Variants in NPAS3 observed in about 807,000 individuals in gnomAD.
NPAS3 encodes neuronal PAS domain-containing protein 3.
NPAS3 carries 14 observed loss-of-function variants against 73.1 expected under a neutral mutation model. The observed-to-expected ratio is 0.19, with a 90% CI of 0.13 to 0.30. NPAS3 has a LOEUF of 0.30. NPAS3 is among the 10% of genes least tolerant of loss of function. The pLI is 1.00. For missense variants in NPAS3, 1,096 were observed against 1,250.0 expected, an observed-to-expected ratio of 0.88 and a Z score of 1.86; for synonymous variants, 620 against 541.5, an observed-to-expected ratio of 1.14 and a Z score of -2.01.
chr14:33,059,564 A>G (rs1402459621), intron 2 of NPAS3, among the ~76,000 whole-genome samples: 2 of 152,194 alleles, frequency 1.3e-5, no homozygotes, highest in African/African-American at 4.8e-5. Flanking sequence ...TTTGCTAAGT[A>G]TTACAAATTT....
At position 33,519,738 on chromosome 14, in the gene NPAS3, A is replaced by C. The variant is rs188073654; in HGVS notation, c.469-40383A>C. ...TTATCACATCTTCCTCACAAATACAACACACGTTCACATTCCTAGTCATTC... is the reference window on the plus strand; with the variant it reads ...TTATCACATCTTCCTCACAAATACACCACACGTTCACATTCCTAGTCATTC... On this transcript the variant is annotated intron_variant, in intron 4 of 11. Transcript: ENST00000356141. Among the ~76,000 whole-genome samples, 134 of 152,302 alleles carry C rather than the reference A, an allele frequency of 8.8e-4. 1 individual carries two copies. Among genetic ancestry groups the C allele is most frequent in the African/African-American group, 3.0e-3 (125 of 41,576 alleles).
intron 4 of NPAS3, among the ~76,000 whole-genome samples, chr14:33,551,929 A>T (rs1480885687): frequency 6.6e-6 from 1 of 152,240 alleles, no homozygotes; most frequent in Non-Finnish European, 1.5e-5. Context: ...CCCACTGTGT[A>T]TTCAGGGTAT....
intron 3 of NPAS3, among the ~76,000 whole-genome samples, chr14:33,366,742 C>T (rs1213666584): frequency 6.6e-6 from 1 of 151,972 alleles, no homozygotes; most frequent in African/African-American, 2.4e-5. Flanking sequence ...CAAAAAGTTT[C>T]CTGTTTGCTT....
intron 5 of NPAS3, among the ~76,000 whole-genome samples, chr14:33,569,369 A>C (rs2056106797): frequency 6.6e-6 from 1 of 152,158 alleles, no homozygotes; most frequent in African/African-American, 2.4e-5. Context: ...AGGCAGTTCA[A>C]GGCCCTTGGC....
In NPAS3 at chr14:33,490,490, G is replaced by C. The variant is rs117526527; in HGVS notation, c.469-69631G>C. Reference sequence around the variant, plus strand: ...CTCACCTCAGTGCCTTGTTAATGCCGTTCATTAATCTAGAACCTCGAGCTT... The same window carrying C: ...CTCACCTCAGTGCCTTGTTAATGCCCTTCATTAATCTAGAACCTCGAGCTT... On this transcript the variant is annotated intron_variant, in intron 4 of 11. Transcript: ENST00000356141. 4.6e-5 allele frequency among the ~76,000 whole-genome samples: 7 copies of C among 152,134 alleles called. 1 individual carries two copies. The highest frequency in any genetic ancestry group is 1.7e-4 in the African/African-American group (7 of 41,520).
intron 2 of NPAS3, among the ~76,000 whole-genome samples, chr14:33,198,216 C>T (rs1192954552): frequency 6.6e-6 from 1 of 152,176 alleles, no homozygotes. Flanking sequence ...TTGCAAAGAG[C>T]AAAAGAACAA....
intron 4 of NPAS3, among the ~76,000 whole-genome samples, chr14:33,404,506 T>C (rs2047580987): frequency 6.6e-6 from 1 of 152,120 alleles, no homozygotes; most frequent in African/African-American, 2.4e-5. Flanking sequence ...TCTCTTTAGA[T>C]CTTACAGCTA....
intron 4 of NPAS3, among the ~76,000 whole-genome samples, chr14:33,432,911 T>C (rs1173570268): frequency 6.6e-6 from 1 of 152,246 alleles, no homozygotes; most frequent in Non-Finnish European, 1.5e-5. Flanking sequence ...TCAGCTGATA[T>C]GCAATTATCA....
chr14:33,315,623 C>T (rs563178802), intron 3 of NPAS3, among the ~76,000 whole-genome samples: 1 of 151,712 alleles, frequency 6.6e-6, no homozygotes, highest in East Asian at 1.9e-4. Flanking sequence ...TATAGGTGAA[C>T]AGGGAGAGAG....
At chr14:33,790,345 A>G (rs751882536) in intron 9 of NPAS3, among the ~76,000 whole-genome samples, 1 of 152,334 alleles carries the variant, frequency 6.6e-6, no homozygotes, top group Admixed American at 6.5e-5. Flanking sequence ...AAAATAAAAA[A>G]CAACAGCCAC....
intron 1 of NPAS3, among the ~76,000 whole-genome samples, chr14:32,954,455 T>C (rs930991604): frequency 6.6e-6 from 1 of 152,194 alleles, no homozygotes; most frequent in African/African-American, 2.4e-5. Context: ...GATGAGGTCA[T>C]AGCTAGTAAA....
intron 7 of NPAS3, among the ~76,000 whole-genome samples, chr14:33,746,502 C>CT (rs559179003): frequency 0.11 from 15,240 of 140,110 alleles, 2,112 homozygotes; most frequent in African/African-American, 0.33. Flanking sequence ...CTGACTCATT[C>CT]TTTTTTTTTT....
chr14:33,575,152 T>C lies in NPAS3; in HGVS notation c.558+14942T>C, dbSNP rs572490594. ...CTAAGGAGAGTAATGGATTCCATTG[T>C]AGACCAACATATCATGCAATTAACT... On this transcript the variant is annotated intron_variant, in intron 5 of 11. Transcript: ENST00000356141. Among the ~76,000 whole-genome samples the C allele has an allele frequency of 2.0e-5, 3 of 152,354 alleles. No individual in the cohort carries two copies. The South Asian group carries it at 6.2e-4, about 32-fold the overall frequency.
At chr14:33,150,461 T>A (rs2139237452) in intron 2 of NPAS3, among the ~76,000 whole-genome samples, 1 of 152,366 alleles carries the variant, frequency 6.6e-6, no homozygotes, top group East Asian at 1.9e-4. Flanking sequence ...TAAAAATTGT[T>A]TTTATTATGA....
At chr14:33,271,446 T>C (rs1952082) in intron 3 of NPAS3, among the ~76,000 whole-genome samples, 152,190 of 152,234 alleles carry the variant, frequency 1, 76,073 homozygotes, top group Middle Eastern at 1. Flanking sequence ...TGTGGCTAGC[T>C]GTTGGGGAGA....
chr14:33,217,749 C>T (rs145993300), intron 3 of NPAS3, among the ~76,000 whole-genome samples: 129 of 152,124 alleles, frequency 8.5e-4, no homozygotes, highest in East Asian at 3.1e-3. Flanking sequence ...TTTAGGCATG[C>T]GAATGTATAG....
intron 4 of NPAS3, among the ~76,000 whole-genome samples, chr14:33,531,061 G>A (rs1260103631): frequency 6.6e-6 from 1 of 152,012 alleles, no homozygotes; most frequent in African/African-American, 2.4e-5. Context: ...GTTCTGTTTT[G>A]TTCTTTTATG....
upstream of NPAS3, chr14:32,939,274 G>A: frequency 1.4e-6 from 1 of 716,986 alleles, no homozygotes. Flanking sequence ...CCGGGAGGGG[G>A]GAGAGAGGCA....
At chr14:33,636,437 G>C (rs1051645869) in intron 5 of NPAS3, among the ~76,000 whole-genome samples, 5 of 152,148 alleles carry the variant, frequency 3.3e-5, no homozygotes, top group South Asian at 2.1e-4. Context: ...AGAATTGAAG[G>C]GTTTCTTAGT....
Sources: allele counts gnomAD v4.1 joint callset (sites outside exome capture counted in the v4.1 genomes callset), GRCh38; gene constraint gnomAD v4.1.1; transcripts MANE v1.5; gene names NCBI Gene and HGNC (gene_info 2026-07-23, HGNC 2026-07-21).